The following SHTN1 variants were observed in gnomAD, a reference collection of about 807,000 sequenced individuals.
SHTN1 encodes the protein shootin-1.
SHTN1 carries 42 observed loss-of-function variants against 83.1 expected under a neutral mutation model. The ratio of observed to expected loss-of-function variants is 0.51; its 90% confidence interval spans 0.39 to 0.65. The LOEUF is 0.65. Among genes scored for constraint, SHTN1 ranks in the 30% least tolerant of loss-of-function variants. The pLI is 0.00. For synonymous variants in SHTN1, 224 were observed against 247.7 expected (o/e 0.90, Z 0.90); for missense variants, 622 against 737.8 (o/e 0.84, Z 1.82).
At chr10:116,960,538 G>A (rs1850149406) in intron 3 of SHTN1, among the ~76,000 whole-genome samples, 1 of 152,024 alleles carries the variant, frequency 6.6e-6, no homozygotes, top group Non-Finnish European at 1.5e-5. Flanking sequence ...TGTATCCATA[G>A]ACATATGTGC....
intron 1 of SHTN1, among the ~76,000 whole-genome samples, chr10:117,085,718 G>A (rs951502607): frequency 2.6e-5 from 4 of 152,146 alleles, no homozygotes; most frequent in Admixed American, 2.6e-4. Context: ...GAAGTGTGTT[G>A]AAATCAGCAA....
At chr10:116,984,780 G>A (rs1346727300) in intron 1 of SHTN1, among the ~76,000 whole-genome samples, 7 of 152,108 alleles carry the variant, frequency 4.6e-5, no homozygotes, top group Non-Finnish European at 1.0e-4. Flanking sequence ...AAAGCAAGCT[G>A]GTTATTTCAT....
At chr10:116,953,457 C>A (rs1276503739) in intron 5 of SHTN1, among the ~76,000 whole-genome samples, 1 of 151,942 alleles carries the variant, frequency 6.6e-6, no homozygotes, top group East Asian at 1.9e-4. Context: ...TCATAAAGCA[C>A]AATTGTTATA....
chr10:117,088,969 C>G (rs547466747), intron 1 of SHTN1, among the ~76,000 whole-genome samples: 1 of 152,306 alleles, frequency 6.6e-6, no homozygotes, highest in East Asian at 1.9e-4. Flanking sequence ...CTCTATATCC[C>G]TATAACCTGG....
chr10:116,953,403 T>C (rs900959350), intron 5 of SHTN1, among the ~76,000 whole-genome samples: 15 of 152,156 alleles, frequency 9.9e-5, no homozygotes, highest in Admixed American at 4.6e-4. Context: ...GCTGCTTCCA[T>C]TGAGACACTT....
chr10:116,933,181 TATTA>T (rs1223847917), intron 9 of SHTN1, among the ~76,000 whole-genome samples: 1 of 152,126 alleles, frequency 6.6e-6, no homozygotes, highest in African/African-American at 2.4e-5. Context: ...TTTATTTATT[TATTA>T]TACTGTAAGT....
intron 9 of SHTN1, among the ~76,000 whole-genome samples, chr10:116,930,681 G>A (rs1483568380): frequency 2.6e-5 from 4 of 152,156 alleles, no homozygotes; most frequent in African/African-American, 4.8e-5. Context: ...ATATAGTGCT[G>A]CGATGAATAT....
rs542110566 is a variant in SHTN1, at chr10:117,122,789, G to A, written c.-189+3518C>T. On this transcript the variant is annotated intron_variant, in intron 1 of 17. Coordinates refer to the SHTN1 transcript ENST00000392901. The stretch of plus-strand genomic sequence containing the variant: ...CAGTAAAAACAACTTCAAGAGAACA[G>A]TGAGAACTCTCAACCTCTTCATATA... Among the ~76,000 whole-genome samples the A allele has an allele frequency of 1.1e-4, 16 of 152,238 alleles. 1 individual carries two copies. Among genetic ancestry groups the A allele is most frequent in the African/African-American group, 3.9e-4 (16 of 41,540 alleles).
intron 1 of SHTN1, among the ~76,000 whole-genome samples, chr10:117,073,903 C>G (rs2093155365): frequency 6.6e-6 from 1 of 152,132 alleles, no homozygotes; most frequent in African/African-American, 2.4e-5. Flanking sequence ...CCCTCCAGAG[C>G]TCCCTGAGGT....
intron 2 of SHTN1, among the ~76,000 whole-genome samples, chr10:117,017,824 G>A (rs911099551): frequency 5.3e-5 from 8 of 152,242 alleles, no homozygotes; most frequent in Admixed American, 3.9e-4. Context: ...AACATCAATA[G>A]TGGTAAGTCA....
At chr10:116,908,073 T>C (rs1415236512) in intron 14 of SHTN1, among the ~76,000 whole-genome samples, 18 of 152,320 alleles carry the variant, frequency 1.2e-4, no homozygotes, top group Admixed American at 3.3e-4. Context: ...TAAGAGATTA[T>C]GTTATTTTGT....
At chr10:116,995,627 A>G (rs747555449) in intron 1 of SHTN1, among the ~76,000 whole-genome samples, 2 of 152,146 alleles carry the variant, frequency 1.3e-5, no homozygotes, top group African/African-American at 4.8e-5. Context: ...AGGCATTTGC[A>G]TAAGTTCAGG....
In SHTN1 at chr10:116,993,047, G is replaced by A. The variant is rs373536119; in HGVS notation, c.58+11975C>T. ...TTTTTTTTTTTTGAGATGGAGTCTC[G>A]CTCTATTGCCCAGGCTGGAGTGCAG... is the stretch of plus-strand genomic sequence containing the variant. On this transcript the variant is annotated intron_variant, in intron 1 of 16. Transcript: ENST00000355371. Among the ~76,000 whole-genome samples the A allele has an allele frequency of 1.3e-4, 15 of 113,364 alleles. No individual in the cohort carries two copies. The East Asian group carries it at 1.5e-3, about 11-fold the overall frequency. The allele number at this position is 113,364 out of a possible 152,430, so 74.4% of individuals were successfully genotyped here.
At chr10:116,920,405 T>C (rs1848518002) in intron 12 of SHTN1, among the ~76,000 whole-genome samples, 1 of 152,178 alleles carries the variant, frequency 6.6e-6, no homozygotes, top group Admixed American at 6.5e-5. Context: ...CTCATCATTG[T>C]CCTGTATATC....
chr10:116,900,376 T>A, intron 16 of SHTN1: 1 of 647,196 alleles, frequency 1.5e-6, no homozygotes, highest in South Asian at 1.9e-5. Context: ...ACTGTGTCTG[T>A]CAACACATGG....
At chr10:117,106,347 C>T (rs1433600962) in intron 1 of SHTN1, among the ~76,000 whole-genome samples, 1 of 151,254 alleles carries the variant, frequency 6.6e-6, no homozygotes, top group African/African-American at 2.4e-5. Context: ...CCCAGCTACT[C>T]GTGAGGCTGA....
At chr10:116,933,946 G>C (rs965433638) in intron 9 of SHTN1, among the ~76,000 whole-genome samples, 7 of 151,956 alleles carry the variant, frequency 4.6e-5, no homozygotes, top group Admixed American at 6.6e-5. Flanking sequence ...TCATATGTTT[G>C]TTGGCCACAT....
upstream of SHTN1, chr10:117,005,405 G>GGCGGCCCTGCGTGGGGTC: frequency 8.6e-7 from 1 of 1,168,826 alleles, no homozygotes. Flanking sequence ...TGGGAGGGGG[G>GGCGGCCCTGCGTGGGGTC]GCGGCCCTGC....
chr10:117,105,022 G>A (rs1034735949), intron 1 of SHTN1, among the ~76,000 whole-genome samples: 18 of 151,596 alleles, frequency 1.2e-4, no homozygotes, highest in African/African-American at 3.9e-4. Flanking sequence ...CCTCAAATGC[G>A]TACTCCTCCA....
Sources: gnomAD v4.1 joint callset for allele counts (sites outside exome capture counted in the v4.1 genomes callset) on GRCh38, gnomAD v4.1.1 for gene constraint, MANE v1.5 for transcripts, NCBI Gene and HGNC (gene_info 2026-07-23, HGNC 2026-07-21) for gene names.